The following NKAIN3 variants were observed in gnomAD, a reference collection of about 807,000 sequenced individuals.
NKAIN3 encodes the protein sodium/potassium-transporting ATPase subunit beta-1-interacting protein 3.
NKAIN3 carries 25 observed loss-of-function variants against 30.2 expected under a neutral mutation model. That is an observed-to-expected ratio of 0.83 (90% confidence interval 0.60 to 1.16). The LOEUF (loss-of-function observed/expected upper bound fraction) is 1.16. Ranked by LOEUF, NKAIN3 falls within the 50% of genes most tolerant of loss-of-function variation. The pLI is 0.00. For synonymous variants in NKAIN3, 91 were observed against 89.6 expected (o/e 1.02, Z -0.09); for missense variants, 225 against 254.1 (o/e 0.89, Z 0.78).
In NKAIN3 at chr8:62,302,137, C is replaced by T. The variant is rs574278412; in HGVS notation, c.54+53010C>T. On this transcript the variant is annotated intron_variant, in intron 1 of 6. Transcript: ENST00000623646. ...ACATGTTCAGAATTCTCAAATGAAG[C>T]TATTCATGGAGTCATGACTTGGCAG... Among the ~76,000 whole-genome samples the T allele has an allele frequency of 3.3e-5, 5 of 152,180 alleles. No homozygotes were observed. In the South Asian group the frequency reaches 1.0e-3, roughly 32 times the overall value.
At chr8:62,393,074 G>T (rs1817624158) in intron 1 of NKAIN3, among the ~76,000 whole-genome samples, 1 of 151,994 alleles carries the variant, frequency 6.6e-6, no homozygotes, top group Admixed American at 6.5e-5. Flanking sequence ...AAACGTAAAT[G>T]AAACATTATT....
In NKAIN3 at chr8:62,577,762, T is replaced by C. The variant is rs75638053; in HGVS notation, c.55-1777T>C. On this transcript the variant is annotated intron_variant, in intron 1 of 6. Coordinates refer to ENST00000623646, the MANE Select transcript of NKAIN3 (RefSeq NM_001304533.3). ...GCTCTGATATTTTGCGTTTTAGCCA[T>C]GTCTGAACATTTATGGATTCAAGAG... Among the ~76,000 whole-genome samples, 445 of 151,946 alleles carry C rather than the reference T, an allele frequency of 2.9e-3. 2 individuals carry two copies. The highest frequency in any genetic ancestry group is 0.01 in the African/African-American group (426 of 41,476).
chr8:62,796,037 C>A (rs1355168464), intron 4 of NKAIN3, among the ~76,000 whole-genome samples: 1 of 152,042 alleles, frequency 6.6e-6, no homozygotes, highest in African/African-American at 2.4e-5. Flanking sequence ...CAATTCTCCA[C>A]CTTTAGTTTG....
At chr8:62,789,884 T>C (rs553221415) in intron 4 of NKAIN3, among the ~76,000 whole-genome samples, 6 of 152,146 alleles carry the variant, frequency 3.9e-5, no homozygotes, top group African/African-American at 1.4e-4. Context: ...ACCAGAGGTA[T>C]AAGGAGGAAC....
At chr8:62,553,990 A>C (rs1375058805) in intron 1 of NKAIN3, among the ~76,000 whole-genome samples, 1 of 152,238 alleles carries the variant, frequency 6.6e-6, no homozygotes, top group Non-Finnish European at 1.5e-5. Flanking sequence ...AACTAGATGC[A>C]TGCCATTTCC....
chr8:62,800,140 C>A (rs1215430641), intron 4 of NKAIN3, among the ~76,000 whole-genome samples: 1 of 152,146 alleles, frequency 6.6e-6, no homozygotes, highest in Non-Finnish European at 1.5e-5. Context: ...TCTCATAAAT[C>A]ACCACTAAAG....
At chr8:62,752,480 G>A (rs2130597661) in intron 4 of NKAIN3, among the ~76,000 whole-genome samples, 1 of 152,272 alleles carries the variant, frequency 6.6e-6, no homozygotes, top group East Asian at 1.9e-4. Flanking sequence ...CCTATTAGGA[G>A]GGCTGAACTT....
chr8:62,717,404 C>T (rs533035094), intron 3 of NKAIN3, among the ~76,000 whole-genome samples: 5 of 152,110 alleles, frequency 3.3e-5, no homozygotes, highest in South Asian at 2.1e-4. Context: ...CAATTAGTGA[C>T]GTCTGCCTAT....
At chr8:62,330,589 C>A (rs1563936436) in intron 1 of NKAIN3, among the ~76,000 whole-genome samples, 1 of 151,992 alleles carries the variant, frequency 6.6e-6, no homozygotes, top group Non-Finnish European at 1.5e-5. Flanking sequence ...GTGATTGACA[C>A]CACAGATCAC....
At chr8:62,810,141 T>C (rs1818442604) in intron 4 of NKAIN3, among the ~76,000 whole-genome samples, 1 of 152,144 alleles carries the variant, frequency 6.6e-6, no homozygotes. Context: ...CATAATCATA[T>C]TCATGAGTTT....
intron 1 of NKAIN3, among the ~76,000 whole-genome samples, chr8:62,422,126 G>A (rs1461498653): frequency 2.6e-5 from 4 of 152,020 alleles, no homozygotes; most frequent in Non-Finnish European, 5.9e-5. Context: ...TTTGTTTGGG[G>A]TAAAATAACT....
intron 3 of NKAIN3, among the ~76,000 whole-genome samples, chr8:62,651,209 A>G (rs1043809798): frequency 3.3e-5 from 5 of 152,020 alleles, no homozygotes; most frequent in Non-Finnish European, 7.4e-5. Context: ...AACAATGCTG[A>G]TACATTTTCA....
At chr8:62,440,731 C>A (rs543375263) in intron 1 of NKAIN3, among the ~76,000 whole-genome samples, 1 of 150,750 alleles carries the variant, frequency 6.6e-6, no homozygotes, top group African/African-American at 2.4e-5. Context: ...AGAGAGCTAA[C>A]GACTGTGAAA....
chr8:62,249,184 T>C, intron 1 of NKAIN3, 57 bp downstream of exon 1: 1 of 1,403,720 alleles, frequency 7.1e-7, no homozygotes, highest in Admixed American at 2.2e-5. Flanking sequence ...GACCGGCCTC[T>C]GCGACTCCCT....
chr8:62,252,737 C>G lies in NKAIN3; in HGVS notation c.54+3610C>G, dbSNP rs113260088. Among the ~76,000 whole-genome samples, 643 of 152,116 alleles carry G rather than the reference C, an allele frequency of 4.2e-3. 3 individuals carry two copies. Among genetic ancestry groups the G allele is most frequent in the African/African-American group, 0.014 (601 of 41,470 alleles). On this transcript the variant is annotated intron_variant, in intron 1 of 6. Transcript: ENST00000623646. Reference sequence around the variant, plus strand: ...ACTGATTCATCTAGTCATCCAAGAGCCTTTAGTACATTTTTTTTGTAAGGA... The same window carrying G: ...ACTGATTCATCTAGTCATCCAAGAGGCTTTAGTACATTTTTTTTGTAAGGA...
At position 62,435,059 on chromosome 8, in the gene NKAIN3, G is replaced by A. The variant is rs192194287; in HGVS notation, c.55-144480G>A. On this transcript the variant is annotated intron_variant, in intron 1 of 6. Coordinates refer to ENST00000623646, the MANE Select transcript of NKAIN3 (RefSeq NM_001304533.3). ...AGACAGGGAGAAACAGAGGAGGACA[G>A]GAGAAGAGGGTGGAAATAAGGAGGA... Among the ~76,000 whole-genome samples, 78 of 152,260 alleles carry A rather than the reference G, an allele frequency of 5.1e-4. 1 individual carries two copies. The highest frequency in any genetic ancestry group is 1.9e-3 in the South Asian group (9 of 4,834).
At chr8:62,292,479 TCTC>T (rs1476624038) in intron 1 of NKAIN3, among the ~76,000 whole-genome samples, 1 of 152,208 alleles carries the variant, frequency 6.6e-6, no homozygotes, top group Non-Finnish European at 1.5e-5. Flanking sequence ...GGATTTTATT[TCTC>T]CTTCACTTAT....
chr8:62,277,090 G>A (rs73683079), intron 1 of NKAIN3, among the ~76,000 whole-genome samples: 5,074 of 152,116 alleles, frequency 0.033, 313 homozygotes, highest in African/African-American at 0.12. Flanking sequence ...TATGGAAAGC[G>A]TTTTTCAGAA....
chr8:62,662,113 CCCTTTTTCAA>C (rs1812964860), intron 3 of NKAIN3, among the ~76,000 whole-genome samples: 1 of 152,168 alleles, frequency 6.6e-6, no homozygotes, highest in Non-Finnish European at 1.5e-5. Flanking sequence ...TTATAATTGT[CCCTTTTTCAA>C]TAGGGAACAG....
Sources: gnomAD v4.1 joint callset for allele counts (sites outside exome capture counted in the v4.1 genomes callset) on GRCh38, gnomAD v4.1.1 for gene constraint, MANE v1.5 for transcripts, NCBI Gene and HGNC (gene_info 2026-07-23, HGNC 2026-07-21) for gene names.